UNC5C: variants seen among roughly 807,000 people sequenced by gnomAD.
UNC5C encodes unc-5 netrin receptor C, also known as netrin receptor UNC5C.
UNC5C carries 47 observed loss-of-function variants against 99.8 expected under a neutral mutation model. The ratio of observed to expected loss-of-function variants is 0.47; its 90% CI spans 0.37 to 0.60. The LOEUF (loss-of-function observed/expected upper bound fraction) is 0.60, where lower values mean the gene tolerates loss of function less well. UNC5C is among the 20% of genes least tolerant of loss of function. The probability of loss-of-function intolerance (pLI) is 0.00; values close to 1 mark genes in which losing one functional copy is unlikely to be tolerated. For missense variants in UNC5C, 1,062 were observed against 1,165.9 expected (o/e 0.91, Z 1.30); for synonymous variants, 487 against 452.2 (o/e 1.08, Z -0.98).
At chr4:95,536,480 TC>T (rs1234902154) in intron 1 of UNC5C, among the ~76,000 whole-genome samples, 9 of 152,208 alleles carry the variant, frequency 5.9e-5, no homozygotes, top group African/African-American at 2.2e-4. Context: ...GTAATTTTTT[TC>T]TAAAACCTAT....
intron 7 of UNC5C, among the ~76,000 whole-genome samples, chr4:95,239,108 A>G (rs561876039): frequency 6.6e-6 from 1 of 152,294 alleles, no homozygotes; most frequent in South Asian, 2.1e-4. Context: ...GGAACTTTGT[A>G]TTGTAAGCTT....
chr4:95,354,479 A>ATATATATATATATATATATT lies in UNC5C; in HGVS notation c.125-18849_125-18848insAATATATATATATATATATA. On this transcript the variant is annotated intron_variant, in intron 1 of 15. Transcript: ENST00000453304. ...TTACCTAACTCTTCCATATATATAT[A>ATATATATATATATATATATT]TTTTTTTTTTTTTTTTAAGAGACAG... Among the ~76,000 whole-genome samples the ATATATATATATATATATATT allele has an allele frequency of 7.1e-3, 784 of 110,200 alleles. 9 individuals carry two copies. The highest frequency in any genetic ancestry group is 0.01 in the Non-Finnish European group (564 of 55,666). The allele number at this position is 110,200 out of a possible 152,430, so 72.3% of individuals were successfully genotyped here.
rs199890913 is a variant in UNC5C at position 95,182,858 on chromosome 4, G to A, written c.2451+39C>T. On this transcript the variant is annotated intron_variant, in intron 14 of 15. Transcript: ENST00000453304. ...CACACACTCTGTCTTCCTGAGTGTC[G>A]CACTCTCCCCTGATTTCAGACAGAC... 241 of 1,583,584 alleles carry A rather than the reference G, an allele frequency of 1.5e-4. 6 individuals are homozygous for A. The South Asian group carries it at 2.3e-3, about 15-fold the overall frequency.
chr4:95,427,203 G>A (rs760811414), intron 1 of UNC5C, among the ~76,000 whole-genome samples: 6 of 152,150 alleles, frequency 3.9e-5, no homozygotes, highest in Non-Finnish European at 8.8e-5. Flanking sequence ...GAATGGATGA[G>A]GAGTTGCTTC....
At chr4:95,229,797 CTTTTTTTTTTTTTTTT>C (rs71583694) in intron 7 of UNC5C, among the ~76,000 whole-genome samples, 2 of 79,534 alleles carry the variant, frequency 2.5e-5, no homozygotes, top group Non-Finnish European at 4.7e-5. Flanking sequence ...CTGTTGTTTC[CTTTTTTTTTTTTTTTT>C]TTTTTTTTTT....
chr4:95,170,580 G>C lies in UNC5C; in HGVS notation c.2452-248C>G, dbSNP rs555018774. 2.3e-4 allele frequency among the ~76,000 whole-genome samples: 35 copies of C among 152,278 alleles called. No homozygotes were observed. In the South Asian group the frequency reaches 6.4e-3, roughly 28 times the overall value. ...CCTCAGATTTGTGAGTCTTTGGTGA[G>C]GACTGGGCTGGATGGAAAGCTCTGG... On this transcript the variant is annotated intron_variant, in intron 14 of 15. Coordinates refer to ENST00000453304, the MANE Select transcript of UNC5C (RefSeq NM_003728.4).
Position 95,274,803 on chromosome 4 carries a change from A to G in UNC5C, c.594+3456T>C, listed in dbSNP as rs1161211241. On this transcript the variant is annotated intron_variant, in intron 4 of 15. Transcript: ENST00000453304. ...CACTTTGAGAGGCTGAGGCAAGCAG[A>G]TCACTTAAGGCATGGAGTTTGAGAT... Among the ~76,000 whole-genome samples the G allele has an allele frequency of 2.0e-5, 3 of 152,050 alleles. No individual in the cohort carries two copies. The East Asian group carries it at 5.8e-4, about 29-fold the overall frequency.
In UNC5C at chr4:95,415,618, C is replaced by T. The variant is rs562272736; in HGVS notation, c.125-79987G>A. On this transcript the variant is annotated intron_variant, in intron 1 of 15. Transcript: ENST00000453304. ...TTCATAAGGTCAACTGTCTGGTTTT[C>T]GTAAGTTTGATGACTCATTTTTGTA... Among the ~76,000 whole-genome samples, 260 of 152,150 alleles carry T rather than the reference C, an allele frequency of 1.7e-3. 1 individual carries two copies. Among genetic ancestry groups the T allele is most frequent in the African/African-American group, 6.0e-3 (250 of 41,524 alleles).
At chr4:95,524,691 G>C (rs1722454441) in intron 1 of UNC5C, among the ~76,000 whole-genome samples, 1 of 152,128 alleles carries the variant, frequency 6.6e-6, no homozygotes, top group African/African-American at 2.4e-5. Context: ...TAACCTCATT[G>C]GTCCCAGTAG....
chr4:95,518,823 G>A (rs180893631), intron 1 of UNC5C, among the ~76,000 whole-genome samples: 1 of 152,220 alleles, frequency 6.6e-6, no homozygotes, highest in East Asian at 1.9e-4. Flanking sequence ...GTCCTTATAA[G>A]TAAGCTTATA....
chr4:95,428,404 T>C (rs1746543338), intron 1 of UNC5C, among the ~76,000 whole-genome samples: 1 of 152,178 alleles, frequency 6.6e-6, no homozygotes, highest in Non-Finnish European at 1.5e-5. Flanking sequence ...CATAGCAGTA[T>C]ATATGCATTT....
At chr4:95,393,904 A>C (rs1258253830) in intron 1 of UNC5C, among the ~76,000 whole-genome samples, 1 of 151,744 alleles carries the variant, frequency 6.6e-6, no homozygotes, top group Admixed American at 6.6e-5. Flanking sequence ...TTTAGACACA[A>C]AGCCTAGAGG....
chr4:95,303,396 C>G (rs7664997), intron 2 of UNC5C, among the ~76,000 whole-genome samples: 7,087 of 152,298 alleles, frequency 0.047, 525 homozygotes, highest in African/African-American at 0.16. Context: ...TCAGTTTCCC[C>G]CAGGCACTGT....
At chr4:95,384,763 G>T (rs1745164687) in intron 1 of UNC5C, among the ~76,000 whole-genome samples, 1 of 152,064 alleles carries the variant, frequency 6.6e-6, no homozygotes, top group Non-Finnish European at 1.5e-5. Context: ...GTAGGCAGGG[G>T]GATATTGCAA....
intron 1 of UNC5C, among the ~76,000 whole-genome samples, chr4:95,516,413 A>G (rs549625126): frequency 8.1e-4 from 124 of 152,302 alleles, no homozygotes; most frequent in African/African-American, 2.9e-3. Context: ...TATGCTGAGC[A>G]CTGAGTGTCC....
chr4:95,540,422 A>G (rs1722890844), intron 1 of UNC5C, among the ~76,000 whole-genome samples: 1 of 152,136 alleles, frequency 6.6e-6, no homozygotes. Context: ...ACCACCCTGC[A>G]TGCTCTGTGG....
intron 1 of UNC5C, among the ~76,000 whole-genome samples, chr4:95,434,720 A>G (rs1364671187): frequency 1.3e-5 from 2 of 152,078 alleles, no homozygotes; most frequent in Admixed American, 1.3e-4. Flanking sequence ...GTTCAAAGCC[A>G]TGACTATATT....
chr4:95,231,529 A>G (rs879669107), intron 7 of UNC5C, among the ~76,000 whole-genome samples: 1 of 152,112 alleles, frequency 6.6e-6, no homozygotes, highest in Non-Finnish European at 1.5e-5. Context: ...TTCTGATCCT[A>G]TCCTTAGAAG....
At chr4:95,282,226 C>G (rs1366469458) in intron 3 of UNC5C, among the ~76,000 whole-genome samples, 2 of 152,122 alleles carry the variant, frequency 1.3e-5, no homozygotes, top group Non-Finnish European at 2.9e-5. Context: ...AGGAAGTTAG[C>G]ATCAGAGCAG....
Sources: gnomAD v4.1 joint callset for allele counts (sites outside exome capture counted in the v4.1 genomes callset) on GRCh38, gnomAD v4.1.1 for gene constraint, MANE v1.5 for transcripts, NCBI Gene and HGNC (gene_info 2026-07-23, HGNC 2026-07-21) for gene names.